Variants in MRTFA observed in about 807,000 individuals in gnomAD.
MRTFA encodes the protein myocardin-related transcription factor A.
A neutral mutation model predicts 83.5 loss-of-function variants in MRTFA; 20 were observed. The observed-to-expected ratio is 0.24, with a 90% CI of 0.17 to 0.35. The LOEUF (loss-of-function observed/expected upper bound fraction) is 0.35, where lower values mean the gene tolerates loss of function less well. Among genes scored for constraint, MRTFA ranks in the 10% least tolerant of loss-of-function variants. MRTFA has a pLI of 1.00. For missense variants in MRTFA, 1,200 were observed against 1,224.7 expected (o/e 0.98, Z 0.30); for synonymous variants, 659 against 541.2 (o/e 1.22, Z -3.02).
At chr22:40,447,192 T>C (rs902605041) in intron 4 of MRTFA, among the ~76,000 whole-genome samples, 1 of 151,612 alleles carries the variant, frequency 6.6e-6, no homozygotes, top group Admixed American at 6.6e-5. Flanking sequence ...TCCGTCTCTA[T>C]GAAAAATACA....
chr22:40,604,193 C>T (rs1273467689), intron 1 of MRTFA, among the ~76,000 whole-genome samples: 3 of 150,938 alleles, frequency 2.0e-5, no homozygotes, highest in Admixed American at 2.0e-4. Flanking sequence ...TGCAGTGGCA[C>T]CATCTCGGCT....
chr22:40,561,428 T>A (rs1263517023), intron 2 of MRTFA, among the ~76,000 whole-genome samples: 2 of 150,718 alleles, frequency 1.3e-5, no homozygotes, highest in Non-Finnish European at 3.0e-5. Flanking sequence ...GAGATAGAGG[T>A]TGCAGTGAGT....
At chr22:40,471,227 A>T in intron 3 of MRTFA, among the ~76,000 whole-genome samples, 1 of 144,142 alleles carries the variant, frequency 6.9e-6, no homozygotes, top group Non-Finnish European at 1.5e-5. Context: ...ATTAAAAAAA[A>T]AAAAAAAAAA....
At chr22:40,421,755 G>A (rs1461897675) in intron 9 of MRTFA, among the ~76,000 whole-genome samples, 1 of 152,206 alleles carries the variant, frequency 6.6e-6, no homozygotes. Context: ...CTTGGAGCAA[G>A]GAAGGGCGCA....
At chr22:40,560,591 C>T (rs2055598831) in intron 2 of MRTFA, among the ~76,000 whole-genome samples, 1 of 152,142 alleles carries the variant, frequency 6.6e-6, no homozygotes, top group African/African-American at 2.4e-5. Context: ...TACTGTAAAA[C>T]CTGAATCACT....
chr22:40,462,712 G>A (rs1258906912), intron 4 of MRTFA, among the ~76,000 whole-genome samples: 3 of 152,174 alleles, frequency 2.0e-5, no homozygotes, highest in African/African-American at 4.8e-5. Flanking sequence ...CGCCATCAAC[G>A]ACTCTACTCA....
intron 4 of MRTFA, among the ~76,000 whole-genome samples, chr22:40,437,462 T>C (rs552657006): frequency 1.3e-5 from 2 of 152,256 alleles, no homozygotes; most frequent in Admixed American, 6.5e-5. Context: ...ACAGTCTTTA[T>C]ATAAATACTA....
At chr22:40,479,390 A>G (rs1351407945) in intron 3 of MRTFA, among the ~76,000 whole-genome samples, 1 of 151,936 alleles carries the variant, frequency 6.6e-6, no homozygotes, top group African/African-American at 2.4e-5. Context: ...CTCACACCCA[A>G]CTATAAAATC....
At chr22:40,545,837 G>T (rs1476497003) in intron 3 of MRTFA, among the ~76,000 whole-genome samples, 7 of 149,994 alleles carry the variant, frequency 4.7e-5, no homozygotes, top group African/African-American at 1.7e-4. Flanking sequence ...CAGTTCAAGC[G>T]ATTCTCCTGC....
intron 2 of MRTFA, among the ~76,000 whole-genome samples, chr22:40,558,862 T>C (rs1452974268): frequency 1.3e-5 from 2 of 151,260 alleles, no homozygotes; most frequent in African/African-American, 4.9e-5. Flanking sequence ...CTTGGCTCAC[T>C]GCAACCTCTG....
In MRTFA at chr22:40,419,222, C is replaced by A. The variant is rs1465214068; in HGVS notation, c.1516G>T (p.Val506Leu). The change falls in exon 12 of 15, where the codon GTG becomes TTG. Residue 506 changes from valine (V) to leucine (L), a missense_variant. By Grantham distance (32) the Val-to-Leu change is conservative. This residue lies in a region of MRTFA where 1,107 missense variants were observed against 1,041.8 expected (regional missense o/e 1.06). Coordinates refer to ENST00000355630, the MANE Select transcript of MRTFA (RefSeq NM_020831.6). ...CGGGCCGCTGGGAAGGCTACCACCA[C>A]CTCGCCAGCCTTGTGCAGGATAGAG... 6.2e-7 allele frequency: 1 copy of A among 1,604,680 alleles called. No individual in the cohort carries two copies.
At chr22:40,439,504 CAAAAAAAAAAAA>C (rs756033541) in intron 4 of MRTFA, among the ~76,000 whole-genome samples, 5 of 32,132 alleles carry the variant, frequency 1.6e-4, no homozygotes, top group South Asian at 8.8e-4. Flanking sequence ...GACTCTGTCT[CAAAAAAAAAAAA>C]AAAAAAAAAA....
intron 3 of MRTFA, among the ~76,000 whole-genome samples, chr22:40,486,613 T>A (rs2054178781): frequency 6.6e-6 from 1 of 152,224 alleles, no homozygotes; most frequent in East Asian, 1.9e-4. Context: ...TAAACAACTG[T>A]ATTTGAATCT....
chr22:40,634,493 A>G (rs1258380897), intron 1 of MRTFA, among the ~76,000 whole-genome samples: 1 of 152,132 alleles, frequency 6.6e-6, no homozygotes, highest in Admixed American at 6.6e-5. Context: ...AAGCCTTCCC[A>G]TACATCCACA....
At chr22:40,414,107 G>A (rs1026173203) in intron 14 of MRTFA, among the ~76,000 whole-genome samples, 1 of 152,178 alleles carries the variant, frequency 6.6e-6, no homozygotes, top group African/African-American at 2.4e-5. Context: ...GGGAGGCCGA[G>A]GCGGGCAGAC....
chr22:40,617,522 C>A (rs1602500352), intron 1 of MRTFA, among the ~76,000 whole-genome samples: 1 of 151,814 alleles, frequency 6.6e-6, no homozygotes, highest in Non-Finnish European at 1.5e-5. Context: ...GTCAGGAGAT[C>A]GAGACCATCC....
At chr22:40,459,832 T>TATAC (rs1016934276) in intron 4 of MRTFA, among the ~76,000 whole-genome samples, 14 of 61,540 alleles carry the variant, frequency 2.3e-4, no homozygotes, top group African/African-American at 2.9e-4. Flanking sequence ...CATATATACA[T>TATAC]ATATATATAT....
chr22:40,607,623 T>C (rs2056333851), intron 1 of MRTFA, among the ~76,000 whole-genome samples: 1 of 152,056 alleles, frequency 6.6e-6, no homozygotes, highest in South Asian at 2.1e-4. Flanking sequence ...GACAGAAAGG[T>C]ATCCTTAAAG....
intron 3 of MRTFA, among the ~76,000 whole-genome samples, chr22:40,534,557 T>C (rs1239943018): frequency 6.6e-6 from 1 of 152,190 alleles, no homozygotes; most frequent in Non-Finnish European, 1.5e-5. Flanking sequence ...CAGGCTCAAG[T>C]GCTCCTCCCA....
Sources: allele counts gnomAD v4.1 joint callset (sites outside exome capture counted in the v4.1 genomes callset), GRCh38; gene constraint gnomAD v4.1.1; regional missense constraint gnomAD v4.1.1; transcripts MANE v1.5; gene names NCBI Gene and HGNC (gene_info 2026-07-23, HGNC 2026-07-21).